Variants in PPP2R3A observed in about 807,000 individuals in gnomAD.
PPP2R3A encodes serine/threonine-protein phosphatase 2A regulatory subunit B'' subunit alpha.
Under a neutral mutation model 106.9 loss-of-function variants are expected in PPP2R3A, and 80 were observed. That is an observed-to-expected ratio of 0.75 (90% CI 0.62 to 0.90). The LOEUF (loss-of-function observed/expected upper bound fraction) is 0.90. PPP2R3A is among the 40% of genes least tolerant of loss of function. The probability of loss-of-function intolerance (pLI) is 0.00; values close to 1 mark genes in which losing one functional copy is unlikely to be tolerated. For synonymous variants in PPP2R3A, 483 were observed against 468.3 expected, an observed-to-expected ratio of 1.03 and a Z score of -0.41; for missense variants, 1,386 against 1,350.4, an observed-to-expected ratio of 1.03 and a Z score of -0.41.
At chr3:136,109,079 A>G (rs921098076) in intron 13 of PPP2R3A, among the ~76,000 whole-genome samples, 16 of 152,206 alleles carry the variant, frequency 1.1e-4, no homozygotes, top group Admixed American at 3.9e-4. Flanking sequence ...CTAAACAACT[A>G]TGGGCATTAA....
At chr3:136,077,539 C>G (rs1559906210) in intron 6 of PPP2R3A, among the ~76,000 whole-genome samples, 3 of 109,732 alleles carry the variant, frequency 2.7e-5, no homozygotes, top group Admixed American at 2.8e-4. Flanking sequence ...TCAAATTGCT[C>G]TTTTTACCAC....
intron 3 of PPP2R3A, among the ~76,000 whole-genome samples, chr3:136,031,822 G>C (rs989519578): frequency 2.6e-5 from 4 of 151,964 alleles, no homozygotes; most frequent in Admixed American, 6.6e-5. Context: ...GTAAGTATTG[G>C]GCTTTATCTC....
At chr3:136,050,006 A>AG (rs1935626980) in intron 5 of PPP2R3A, among the ~76,000 whole-genome samples, 1 of 152,174 alleles carries the variant, frequency 6.6e-6, no homozygotes, top group African/African-American at 2.4e-5. Context: ...AAACACTAAG[A>AG]GAAAAAAAAG....
At chr3:136,071,504 C>T (rs1266323717) in intron 6 of PPP2R3A, among the ~76,000 whole-genome samples, 2 of 152,162 alleles carry the variant, frequency 1.3e-5, no homozygotes, top group Non-Finnish European at 2.9e-5. Flanking sequence ...TTAACCGTGA[C>T]ACTCTACTAA....
chr3:136,047,142 A>G (rs1559887514), intron 4 of PPP2R3A, among the ~76,000 whole-genome samples: 1 of 152,228 alleles, frequency 6.6e-6, no homozygotes, highest in Non-Finnish European at 1.5e-5. Flanking sequence ...AAGGAGCGAG[A>G]GTACGCAACT....
At chr3:136,129,161 C>G (rs1419799083) in intron 13 of PPP2R3A, among the ~76,000 whole-genome samples, 2 of 150,748 alleles carry the variant, frequency 1.3e-5, no homozygotes, top group African/African-American at 4.9e-5. Context: ...CAAGAAATAA[C>G]TAAGATTAGA....
chr3:136,069,394 T>C (rs1447944463), intron 5 of PPP2R3A, among the ~76,000 whole-genome samples: 4 of 152,120 alleles, frequency 2.6e-5, no homozygotes, highest in Non-Finnish European at 4.4e-5. Flanking sequence ...CTGGCCAGCA[T>C]GGTGAAACCT....
At chr3:136,080,195 C>T (rs1310335626) in intron 7 of PPP2R3A, among the ~76,000 whole-genome samples, 2 of 151,848 alleles carry the variant, frequency 1.3e-5, no homozygotes, top group Non-Finnish European at 1.5e-5. Flanking sequence ...TTTTCATTTC[C>T]ATTCATATAA....
At chr3:136,078,317 G>A in intron 6 of PPP2R3A, 50 bp from the exon 7 acceptor site, 2 of 1,292,138 alleles carry the variant, frequency 1.5e-6, no homozygotes, top group South Asian at 1.2e-5. Context: ...TGAGAAAGTA[G>A]TGGAGATCTT....
chr3:136,087,991 C>A lies in PPP2R3A; in HGVS notation c.2837+60C>A. 2.1e-6 allele frequency: 3 copies of A among 1,421,356 alleles called. No homozygotes were observed. The South Asian group carries it at 3.7e-5, about 17-fold the overall frequency. 88.0% of individuals were successfully genotyped at this position (1,421,356 alleles called of 1,614,324 possible). A position where few individuals can be genotyped will look rare whatever the true frequency, so the allele number is the denominator to read the frequency against. The stretch of plus-strand genomic sequence containing the variant: ...ACTACAAGTAATACCATAACCATCT[C>A]ATTTTAGCAAAGCTTCCTGAATAAT... On this transcript the variant is annotated intron_variant, in intron 9 of 13. Coordinates refer to ENST00000264977, the MANE Select transcript of PPP2R3A (RefSeq NM_002718.5).
At chr3:136,101,239 A>G (rs886660912) in intron 10 of PPP2R3A, among the ~76,000 whole-genome samples, 2 of 152,224 alleles carry the variant, frequency 1.3e-5, no homozygotes, top group African/African-American at 2.4e-5. Context: ...ATTAGTAGCA[A>G]GTACACAGAA....
chr3:136,022,456 T>C (rs180900567), intron 2 of PPP2R3A, among the ~76,000 whole-genome samples: 801 of 152,260 alleles, frequency 5.3e-3, no homozygotes, highest in Non-Finnish European at 7.9e-3. Context: ...CTGGAAAGAT[T>C]TGGGTATTTA....
rs893315383 is a variant in PPP2R3A, at chr3:136,145,831, T to C, written c.*665T>C. Reference sequence around the variant, plus strand: ...GTAACCTCCCTGACTGTGGATCTTATATAAAATCTCAAGATAAAAAAACAC... The same window carrying C: ...GTAACCTCCCTGACTGTGGATCTTACATAAAATCTCAAGATAAAAAAACAC... On this transcript the variant is annotated 3_prime_UTR_variant, in exon 14 of 14. Transcript: ENST00000264977. 3.9e-5 allele frequency: 6 copies of C among 152,586 alleles called. No homozygotes were observed. The highest frequency in any genetic ancestry group is 1.2e-4 in the African/African-American group (5 of 41,470). The allele number at this position is 152,586 out of a possible 1,614,324, so 9.5% of individuals were successfully genotyped here. A position where few individuals can be genotyped will look rare whatever the true frequency, so the allele number is the denominator to read the frequency against.
chr3:136,141,819 T>TTAA lies in PPP2R3A; in HGVS notation c.3330-3223_3330-3221dup, dbSNP rs1938883954. ...AACAAGAAAGTATGGTACCCTGAAC[T>TTAA]TAAGCCAGTGGTGGTAGGGAGGAAG... On this transcript the variant is annotated intron_variant, in intron 13 of 13. Transcript: ENST00000264977. Among the ~76,000 whole-genome samples, 14 of 152,284 alleles carry TTAA rather than the reference T, an allele frequency of 9.2e-5. No individual in the cohort carries two copies. In the South Asian group the frequency reaches 2.9e-3, roughly 32 times the overall value.
chr3:136,124,272 G>A (rs1003363465), intron 13 of PPP2R3A, among the ~76,000 whole-genome samples: 5 of 152,246 alleles, frequency 3.3e-5, no homozygotes, highest in South Asian at 2.1e-4. Flanking sequence ...GGAAGATTGC[G>A]TGGGGCCAGG....
intron 1 of PPP2R3A, among the ~76,000 whole-genome samples, chr3:135,970,516 A>G (rs1937214980): frequency 6.6e-6 from 1 of 152,214 alleles, no homozygotes; most frequent in Admixed American, 6.5e-5. Context: ...GAATGTTTCA[A>G]ATAGAGAGGT....
At chr3:136,088,965 A>G (rs1465416059) in intron 9 of PPP2R3A, among the ~76,000 whole-genome samples, 1 of 152,024 alleles carries the variant, frequency 6.6e-6, no homozygotes, top group Non-Finnish European at 1.5e-5. Context: ...TAAGTTCGAT[A>G]TAGAGTCTGG....
chr3:135,970,366 T>G (rs763844498), intron 1 of PPP2R3A, among the ~76,000 whole-genome samples: 2 of 152,222 alleles, frequency 1.3e-5, no homozygotes, highest in Non-Finnish European at 2.9e-5. Flanking sequence ...AAGTTTTATT[T>G]ACTTGTATAC....
intron 13 of PPP2R3A, among the ~76,000 whole-genome samples, chr3:136,109,796 C>T (rs997017406): frequency 6.6e-6 from 1 of 152,002 alleles, no homozygotes; most frequent in African/African-American, 2.4e-5. Context: ...CAGCGGGCCA[C>T]TAAAAGAAGG....
Sources: gnomAD v4.1 joint callset for allele counts (sites outside exome capture counted in the v4.1 genomes callset) on GRCh38, gnomAD v4.1.1 for gene constraint, MANE v1.5 for transcripts, NCBI Gene and HGNC (gene_info 2026-07-23, HGNC 2026-07-21) for gene names.